TOR1A: variants seen among roughly 807,000 people sequenced by gnomAD.
TOR1A encodes the protein torsin-1A.
In TOR1A, 18 loss-of-function variants were observed where a neutral mutation model predicts 31.4. The observed-to-expected ratio is 0.57, with a 90% CI of 0.40 to 0.85. TOR1A has a LOEUF of 0.85. TOR1A is among the 40% of genes least tolerant of loss of function. The probability of loss-of-function intolerance (pLI) is 0.00; values close to 1 mark genes in which losing one functional copy is unlikely to be tolerated. For missense variants in TOR1A, 375 were observed against 416.4 expected (o/e 0.90, Z 0.87); for synonymous variants, 168 against 165.9 (o/e 1.01, Z -0.10).
At chr9:129,816,935 T>C (rs977224757) in intron 4 of TOR1A, among the ~76,000 whole-genome samples, 1 of 152,222 alleles carries the variant, frequency 6.6e-6, no homozygotes, top group African/African-American at 2.4e-5. Context: ...TGAGCCCTTC[T>C]GTTTTGTCAT....
At chr9:129,816,831 T>C (rs3780697) in intron 4 of TOR1A, among the ~76,000 whole-genome samples, 22,314 of 152,196 alleles carry the variant, frequency 0.15, 2,008 homozygotes, top group East Asian at 0.2. Flanking sequence ...ATACTTGTCT[T>C]TCCTCAGTAG....
intron 4 of TOR1A, 96 bp downstream of exon 4, chr9:129,818,424 G>T: frequency 6.3e-7 from 1 of 1,579,544 alleles, no homozygotes; most frequent in South Asian, 1.1e-5. Context: ...TTTCTACCCA[G>T]CTCCCAGGTG....
chr9:129,818,539 C>T lies in TOR1A; in HGVS notation c.729G>A (p.Ser243=), dbSNP rs753283496. 2.9e-5 allele frequency: 47 copies of T among 1,614,112 alleles called. No individual in the cohort carries two copies. In the Middle Eastern group the frequency reaches 6.6e-4, roughly 23 times the overall value. ...LKDIEHALSV[S]VFNNKNSGFW... Reference sequence around the variant, plus strand: ...ACTCACTGTTCTTGTTATTGAAAACCGACACAGACAACGCGTGTTCAATGT... The same window carrying T: ...ACTCACTGTTCTTGTTATTGAAAACTGACACAGACAACGCGTGTTCAATGT... The change falls in exon 4 of 5, where the codon TCG becomes TCA. Residue 243 remains serine, a synonymous_variant. Transcript: ENST00000351698.
intron 4 of TOR1A, 76 bp downstream of exon 4, chr9:129,818,444 G>C: frequency 6.2e-7 from 1 of 1,600,998 alleles, no homozygotes; most frequent in Middle Eastern, 1.7e-4. Context: ...GATGCTGACA[G>C]TGACCCTGAT....
At chr9:129,819,944 AAT>A (rs1416273600) in intron 2 of TOR1A, among the ~76,000 whole-genome samples, 25 of 131,326 alleles carry the variant, frequency 1.9e-4, no homozygotes, top group Admixed American at 7.9e-4. Flanking sequence ...AAAAAAAAAT[AAT>A]AATAATAATA....
Position 129,818,935 on chromosome 9 carries a change from G to A in TOR1A, c.445-15C>T, listed in dbSNP as rs558741410. ...TGTAACTGATCCTGAATTAAAAGGG[G>A]AAAAAGCGAACACAAAGTTCTCAGC... On this transcript the variant is annotated splice_polypyrimidine_tract_variant and intron_variant, in intron 2 of 4. Transcript: ENST00000351698. The A allele has an allele frequency of 9.9e-6, 16 of 1,610,496 alleles. No homozygotes were observed. In the East Asian group the frequency reaches 3.1e-4, roughly 31 times the overall value.
chr9:129,820,707 G>T (rs898268476), intron 2 of TOR1A, among the ~76,000 whole-genome samples: 5 of 152,042 alleles, frequency 3.3e-5, no homozygotes, highest in Non-Finnish European at 7.4e-5. Flanking sequence ...CCATCCTTCT[G>T]CCTCAGCCCC....
rs977744634 is a variant in TOR1A, at chr9:129,813,061, T to C, written c.*911A>G. On this transcript the variant is annotated 3_prime_UTR_variant, in exon 5 of 5. Coordinates refer to ENST00000351698, the MANE Select transcript of TOR1A (RefSeq NM_000113.3). ...TATAGGAGGTTTCGGGGATTCTGATTGAACGTAACAAATAATAGTATAAAT... is the reference window on the plus strand; with the variant it reads ...TATAGGAGGTTTCGGGGATTCTGATCGAACGTAACAAATAATAGTATAAAT... The C allele has an allele frequency of 2.6e-5, 4 of 152,192 alleles. No individual in the cohort carries two copies. The East Asian group carries it at 5.8e-4, about 22-fold the overall frequency. The allele number at this position is 152,192 out of a possible 1,614,324, so 9.4% of individuals were successfully genotyped here.
At chr9:129,822,553 G>C in intron 2 of TOR1A, 28 bp downstream of exon 2, 1 of 1,613,842 alleles carries the variant, frequency 6.2e-7, no homozygotes, top group Non-Finnish European at 8.5e-7. Context: ...ATGACATCCA[G>C]GAAGGGATTC....
intron 4 of TOR1A, among the ~76,000 whole-genome samples, chr9:129,816,618 A>T (rs1412468737): frequency 6.6e-6 from 1 of 152,176 alleles, no homozygotes; most frequent in Admixed American, 6.5e-5. Flanking sequence ...TGCTGAATCA[A>T]TGTTCAGCCA....
rs112588883 is a variant in TOR1A at position 129,820,837 on chromosome 9, G to C, written c.444+1744C>G. ...TGGTCTGGAACTCTTGAGCTCAAGG[G>C]ATCAGCCGGTTTTGGCTTCCCGTAG... is the stretch of plus-strand genomic sequence containing the variant. On this transcript the variant is annotated intron_variant, in intron 2 of 4. Transcript: ENST00000351698. 1.2e-4 allele frequency among the ~76,000 whole-genome samples: 19 copies of C among 152,262 alleles called. 1 individual carries two copies. Among genetic ancestry groups the C allele is most frequent in the African/African-American group, 4.1e-4 (17 of 41,552 alleles).
At chr9:129,821,180 G>A (rs1316656261) in intron 2 of TOR1A, among the ~76,000 whole-genome samples, 1 of 152,124 alleles carries the variant, frequency 6.6e-6, no homozygotes, top group Non-Finnish European at 1.5e-5. Context: ...GCAGGTGCCT[G>A]TAATACCAGC....
chr9:129,814,126 C>T lies in TOR1A; in HGVS notation c.845G>A (p.Arg282Gln), dbSNP rs765908791. Residue 282 changes from arginine (R) to glutamine (Q), a missense_variant, in exon 5 of 5, where the codon CGA (arginine) becomes CAA (glutamine). Arg to Gln is a conservative substitution (Grantham distance 43). Transcript: ENST00000351698. ...LEYKHLKMCI[R>Q]VEMQSRGYEI... Reference sequence around the variant, plus strand: ...ATAGCCTCGGGACTGCATTTCCACTCGGATACACATTTTTAGGTGTTTGTA... The same window carrying T: ...ATAGCCTCGGGACTGCATTTCCACTTGGATACACATTTTTAGGTGTTTGTA... 8 of 1,614,050 alleles carry T rather than the reference C, an allele frequency of 5.0e-6. No homozygotes were observed. The highest frequency in any genetic ancestry group is 2.2e-5 in the East Asian group (1 of 44,902).
Position 129,823,972 on chromosome 9 carries a change from G to C in TOR1A, c.114C>G (p.Ile38Met), listed in dbSNP as rs531641235. The change falls in exon 1 of 5, where the codon ATC becomes ATG. Residue 38 changes from isoleucine to methionine, a missense_variant. By Grantham distance (10) the Ile-to-Met change is conservative. Coordinates refer to ENST00000351698, the MANE Select transcript of TOR1A (RefSeq NM_000113.3). ...CGAAGAGGCAGTAGAGACGCGGGTA[G>C]ATGTAGCCGGTGAGGACGCCGGCCA... ...LALAGVLTGYIYPRLYCLFAE... is the reference protein window; with the variant it reads ...LALAGVLTGYMYPRLYCLFAE... 6.2e-6 allele frequency: 10 copies of C among 1,611,378 alleles called. No homozygotes were observed. In the East Asian group the frequency reaches 2.0e-4, roughly 32 times the overall value.
Position 129,813,852 on chromosome 9 carries a change from A to G in TOR1A, c.*120T>C, listed in dbSNP as rs2131001048. On this transcript the variant is annotated 3_prime_UTR_variant, in exon 5 of 5. Coordinates refer to ENST00000351698, the MANE Select transcript of TOR1A (RefSeq NM_000113.3). ...GCCAGGGAGAATTCCTGTCACATCA[A>G]ACAGGAACATTCACTGGATTCCTCT... The G allele has an allele frequency of 1.4e-6, 2 of 1,431,888 alleles. No homozygotes were observed. Among genetic ancestry groups the G allele is most frequent in the Non-Finnish European group, 1.9e-6 (2 of 1,032,818 alleles). 88.7% of individuals were successfully genotyped at this position (1,431,888 alleles called of 1,614,324 possible). A position where few individuals can be genotyped will look rare whatever the true frequency, so the allele number is the denominator to read the frequency against.
intron 4 of TOR1A, 99 bp downstream of exon 4, chr9:129,818,421 C>G: frequency 2.5e-6 from 4 of 1,574,808 alleles, no homozygotes; most frequent in Non-Finnish European, 3.5e-6. Context: ...TTCTTTCTAC[C>G]CAGCTCCCAG....
chr9:129,823,887 C>CAA, intron 1 of TOR1A, 21 bp downstream of exon 1: 1 of 1,483,512 alleles, frequency 6.7e-7, no homozygotes, highest in Non-Finnish European at 9.1e-7. Flanking sequence ...GCCCCAGCCT[C>CAA]CAGCCCCCGC....
At chr9:129,823,654 T>C in intron 1 of TOR1A, 1 of 268,200 alleles carries the variant, frequency 3.7e-6, no homozygotes, top group South Asian at 4.1e-5. Flanking sequence ...CCAGCCCTAG[T>C]GCGATCCCCC....
chr9:129,818,953 T>G, intron 2 of TOR1A, 33 bp from the exon 3 acceptor site: 1 of 1,606,018 alleles, frequency 6.2e-7, no homozygotes, highest in Non-Finnish European at 8.5e-7. Flanking sequence ...GAACACAAAG[T>G]TCTCAGCCAG....
Sources: allele counts gnomAD v4.1 joint callset (sites outside exome capture counted in the v4.1 genomes callset), GRCh38; gene constraint gnomAD v4.1.1; transcripts MANE v1.5; gene names NCBI Gene and HGNC (gene_info 2026-07-23, HGNC 2026-07-21).